The following IGF2BP2 variants were observed in gnomAD, a reference collection of about 807,000 sequenced individuals.
The protein encoded by IGF2BP2 is insulin like growth factor 2 mRNA binding protein 2.
Under a neutral mutation model 75.8 loss-of-function variants are expected in IGF2BP2, and 17 were observed. The ratio of observed to expected loss-of-function variants is 0.22; its 90% CI spans 0.15 to 0.34. The LOEUF (loss-of-function observed/expected upper bound fraction) is 0.34. Ranked by LOEUF, IGF2BP2 falls within the 10% of genes least tolerant of loss-of-function variation. IGF2BP2 has a pLI of 1.00. For missense variants in IGF2BP2, 516 were observed against 772.4 expected (o/e 0.67, Z 3.93); for synonymous variants, 288 against 295.6 (o/e 0.97, Z 0.26).
At chr3:185,755,097 G>A (rs1731438569) in intron 2 of IGF2BP2, among the ~76,000 whole-genome samples, 1 of 152,166 alleles carries the variant, frequency 6.6e-6, no homozygotes, top group Admixed American at 6.5e-5. Flanking sequence ...AAGCCTCAAA[G>A]CCATTTCAGA....
chr3:185,684,468 G>C (rs1034121179), intron 7 of IGF2BP2, among the ~76,000 whole-genome samples: 4 of 151,590 alleles, frequency 2.6e-5, no homozygotes, highest in African/African-American at 9.7e-5. Flanking sequence ...GCAGTGGCGC[G>C]ATCTCGGCTC....
intron 2 of IGF2BP2, among the ~76,000 whole-genome samples, chr3:185,736,894 G>A (rs1728929448): frequency 6.6e-6 from 1 of 152,158 alleles, no homozygotes; most frequent in Non-Finnish European, 1.5e-5. Context: ...GCTAGGAAGG[G>A]ACATGATCTC....
chr3:185,776,059 C>T (rs531822561), intron 2 of IGF2BP2, among the ~76,000 whole-genome samples: 40 of 152,230 alleles, frequency 2.6e-4, no homozygotes, highest in Non-Finnish European at 5.1e-4. Context: ...ACCTGGACAA[C>T]ACAGTGAGGT....
intron 2 of IGF2BP2, among the ~76,000 whole-genome samples, chr3:185,784,250 G>GTAGA (rs748976983): frequency 7.0e-4 from 91 of 130,360 alleles, no homozygotes; most frequent in Admixed American, 1.4e-3. Context: ...AAATAAACAA[G>GTAGA]TAGATAGATA....
chr3:185,683,676 T>C lies in IGF2BP2; in HGVS notation c.812+3381A>G, dbSNP rs188594470. On this transcript the variant is annotated intron_variant, in intron 7 of 15. Coordinates refer to ENST00000382199, the MANE Select transcript of IGF2BP2 (RefSeq NM_006548.6). ...ACCTTGTCTCAGCCTCCCAAAGTGC[T>C]GGGATTACAGGCATGAGACACCATG... is the stretch of plus-strand genomic sequence containing the variant. 1.1e-4 allele frequency among the ~76,000 whole-genome samples: 16 copies of C among 152,312 alleles called. No individual in the cohort carries two copies. The East Asian group carries it at 2.9e-3, about 28-fold the overall frequency.
At chr3:185,798,413 T>C (rs1211844597) in intron 2 of IGF2BP2, among the ~76,000 whole-genome samples, 2 of 152,146 alleles carry the variant, frequency 1.3e-5, no homozygotes, top group Non-Finnish European at 2.9e-5. Context: ...CGAGTACAAA[T>C]AGTGTTAATA....
intron 10 of IGF2BP2, among the ~76,000 whole-genome samples, chr3:185,665,570 A>AAG (rs1439334595): frequency 6.7e-6 from 1 of 149,776 alleles, no homozygotes; most frequent in Non-Finnish European, 1.5e-5. Context: ...AAGGAGAAGG[A>AAG]GAAGAAGGAG....
chr3:185,712,088 A>G (rs975990156), intron 2 of IGF2BP2, among the ~76,000 whole-genome samples: 2 of 152,190 alleles, frequency 1.3e-5, no homozygotes, highest in Non-Finnish European at 2.9e-5. Context: ...GAGAGAAACT[A>G]TTAAAGTTAT....
intron 2 of IGF2BP2, among the ~76,000 whole-genome samples, chr3:185,811,117 C>T (rs1739761023): frequency 6.6e-6 from 1 of 151,864 alleles, no homozygotes; most frequent in Admixed American, 6.6e-5. Flanking sequence ...AACAGAAACA[C>T]AATAAGATCA....
chr3:185,666,001 CATAG>C (rs57817338), intron 10 of IGF2BP2, among the ~76,000 whole-genome samples: 53,643 of 145,024 alleles, frequency 0.37, 9,833 homozygotes, highest in East Asian at 0.46. Context: ...TAGATAGGTA[CATAG>C]ATAGATAGAT....
intron 2 of IGF2BP2, among the ~76,000 whole-genome samples, chr3:185,751,195 C>T (rs554171797): frequency 6.6e-6 from 1 of 152,300 alleles, no homozygotes; most frequent in African/African-American, 2.4e-5. Flanking sequence ...CAAAAAATTG[C>T]TTCAAGTAAC....
chr3:185,747,736 T>C (rs141147176), intron 2 of IGF2BP2, among the ~76,000 whole-genome samples: 122 of 152,214 alleles, frequency 8.0e-4, no homozygotes, highest in African/African-American at 2.0e-3. Flanking sequence ...ATATGAACAA[T>C]GACTATTTGG....
intron 2 of IGF2BP2, among the ~76,000 whole-genome samples, chr3:185,755,747 T>C (rs1413491119): frequency 6.6e-6 from 1 of 152,204 alleles, no homozygotes; most frequent in Non-Finnish European, 1.5e-5. Flanking sequence ...CCCTTTCCTT[T>C]AGGGCAATTT....
At chr3:185,822,571 C>A (rs757685396) in intron 2 of IGF2BP2, among the ~76,000 whole-genome samples, 1 of 152,144 alleles carries the variant, frequency 6.6e-6, no homozygotes, top group African/African-American at 2.4e-5. Flanking sequence ...GCAACAACAA[C>A]AAAATGCTCA....
rs151136760 is a variant in IGF2BP2, at chr3:185,730,648, C to T, written c.240-32301G>A. On this transcript the variant is annotated intron_variant, in intron 2 of 15. Coordinates refer to ENST00000382199, the MANE Select transcript of IGF2BP2 (RefSeq NM_006548.6). Reference sequence around the variant, plus strand: ...CGGGTTTCTCCATGTTGGTCAGGCTCGTCTCGAGCTCCCGACCTCAGGTGA... The same window carrying T: ...CGGGTTTCTCCATGTTGGTCAGGCTTGTCTCGAGCTCCCGACCTCAGGTGA... Among the ~76,000 whole-genome samples, 28 of 152,034 alleles carry T rather than the reference C, an allele frequency of 1.8e-4. 1 individual carries two copies. The highest frequency in any genetic ancestry group is 5.5e-4 in the African/African-American group (23 of 41,484).
At chr3:185,662,522 A>G (rs1233714701) in intron 10 of IGF2BP2, among the ~76,000 whole-genome samples, 1 of 145,852 alleles carries the variant, frequency 6.9e-6, no homozygotes. Context: ...TTATCAGAGC[A>G]TACTATTTCC....
At chr3:185,783,065 T>G (rs1040460148) in intron 2 of IGF2BP2, among the ~76,000 whole-genome samples, 2 of 152,182 alleles carry the variant, frequency 1.3e-5, no homozygotes, top group Non-Finnish European at 2.9e-5. Flanking sequence ...TAAAGTGTCA[T>G]GGTGAAGCTA....
At chr3:185,659,064 T>C (rs1191031666) in intron 10 of IGF2BP2, among the ~76,000 whole-genome samples, 1 of 151,796 alleles carries the variant, frequency 6.6e-6, no homozygotes, top group Non-Finnish European at 1.5e-5. Flanking sequence ...AAAATAAAAA[T>C]AAAAAATTAG....
chr3:185,721,388 G>A (rs1314784240), intron 2 of IGF2BP2, among the ~76,000 whole-genome samples: 1 of 151,946 alleles, frequency 6.6e-6, no homozygotes, highest in Non-Finnish European at 1.5e-5. Flanking sequence ...TTCTAGTAGA[G>A]ACGGGGTTTT....
Sources: allele counts gnomAD v4.1 joint callset (sites outside exome capture counted in the v4.1 genomes callset), GRCh38; gene constraint gnomAD v4.1.1; transcripts MANE v1.5; gene names NCBI Gene and HGNC (gene_info 2026-07-23, HGNC 2026-07-21).